HYCC2: variants seen among roughly 807,000 people sequenced by gnomAD.
The protein encoded by HYCC2 is hyccin 2.
chr2:201,050,957 A>C, the HYCC2 span, among the ~76,000 whole-genome samples: 3 of 152,154 alleles, frequency 2.0e-5, no homozygotes, highest in South Asian at 2.1e-4. Context: ...ACAAACAAAC[A>C]AACCCAGTAT....
At chr2:201,047,588 A>T in the HYCC2 span, among the ~76,000 whole-genome samples, 1 of 151,726 alleles carries the variant, frequency 6.6e-6, no homozygotes, top group South Asian at 2.1e-4. Context: ...GAAATTCAGA[A>T]CGCTCTGCCA....
chr2:201,033,067 G>GA, the HYCC2 span, among the ~76,000 whole-genome samples: 16 of 149,842 alleles, frequency 1.1e-4, no homozygotes, highest in African/African-American at 3.0e-4. Context: ...AAAAGGGCAA[G>GA]AAAAAACTAC....
the HYCC2 span, among the ~76,000 whole-genome samples, chr2:201,065,226 A>G: frequency 6.6e-6 from 1 of 152,180 alleles, no homozygotes; most frequent in Non-Finnish European, 1.5e-5. Context: ...GGAATATGCA[A>G]TTTTGAGATT....
chr2:201,025,962 C>G, the HYCC2 span, among the ~76,000 whole-genome samples: 21 of 152,066 alleles, frequency 1.4e-4, no homozygotes, highest in Non-Finnish European at 2.8e-4. Flanking sequence ...TCACACATAA[C>G]AATATTAACC....
chr2:201,012,239 C>A, the HYCC2 span, among the ~76,000 whole-genome samples: 1 of 152,076 alleles, frequency 6.6e-6, no homozygotes, highest in Non-Finnish European at 1.5e-5. Flanking sequence ...GCAGTCGGAT[C>A]GCTTCAGCTC....
At chr2:201,027,546 A>T in the HYCC2 span, among the ~76,000 whole-genome samples, 1 of 152,200 alleles carries the variant, frequency 6.6e-6, no homozygotes, top group Non-Finnish European at 1.5e-5. Context: ...CCTGATGAAC[A>T]TCGATGCAAA....
chr2:201,013,413 A>G, the HYCC2 span, among the ~76,000 whole-genome samples: 3 of 151,728 alleles, frequency 2.0e-5, no homozygotes, highest in Admixed American at 1.3e-4. Flanking sequence ...AACGTTGCAG[A>G]GAGCTAAGAC....
At chr2:200,994,362 C>T in the HYCC2 span, among the ~76,000 whole-genome samples, 1 of 152,048 alleles carries the variant, frequency 6.6e-6, no homozygotes, top group African/African-American at 2.4e-5. Context: ...CTCAGCCTCC[C>T]GAGTAGCCTC....
At chr2:200,981,905 C>A in the HYCC2 span, 1 of 1,553,972 alleles carries the variant, frequency 6.4e-7, no homozygotes, top group South Asian at 1.2e-5. The surrounding 1 kb of genome is among the most constrained non-coding windows in gnomAD (Gnocchi z 4.5). Context: ...TCAGCAATAG[C>A]TAAATTAAAT....
the HYCC2 span, among the ~76,000 whole-genome samples, chr2:201,021,015 G>A: frequency 1.3e-5 from 2 of 151,872 alleles, no homozygotes; most frequent in Admixed American, 6.6e-5. Flanking sequence ...GATCCACTCC[G>A]CTCCGCCTCC....
chr2:200,992,343 G>C, the HYCC2 span: 2 of 1,611,290 alleles, frequency 1.2e-6, no homozygotes, highest in Non-Finnish European at 1.7e-6. Flanking sequence ...AGAACTTCCT[G>C]GCCAAGGTCC....
the HYCC2 span, among the ~76,000 whole-genome samples, chr2:201,016,144 A>G: frequency 1.3e-5 from 2 of 152,238 alleles, no homozygotes; most frequent in Admixed American, 6.5e-5. Flanking sequence ...AACAATTTGA[A>G]GATATAAATA....
chr2:200,982,719 C>T, the HYCC2 span, among the ~76,000 whole-genome samples: 1 of 152,132 alleles, frequency 6.6e-6, no homozygotes, highest in African/African-American at 2.4e-5. Flanking sequence ...TGTCCCATCA[C>T]ATTTCATTTC....
chr2:201,064,617 TATTGGTTATAAAAGTG>T, the HYCC2 span, among the ~76,000 whole-genome samples: 1 of 152,166 alleles, frequency 6.6e-6, no homozygotes, highest in South Asian at 2.1e-4. Flanking sequence ...ATCATGGAAT[TATTGGTTATAAAAGTG>T]ATTGTTGGCA....
chr2:200,981,203 G>A, the HYCC2 span: 4 of 1,533,092 alleles, frequency 2.6e-6, no homozygotes, highest in Middle Eastern at 1.8e-4. This position sits in a 1 kb window ranked among gnomAD's most constrained non-coding sequence, Gnocchi z 4.5. Context: ...GTGGGATGAA[G>A]TGTCTTCTTG....
chr2:201,011,977 C>T, the HYCC2 span, among the ~76,000 whole-genome samples: 1 of 152,144 alleles, frequency 6.6e-6, no homozygotes, highest in Non-Finnish European at 1.5e-5. Context: ...ATATTTATGG[C>T]ATAAAACACA....
chr2:200,991,546 G>A, the HYCC2 span, among the ~76,000 whole-genome samples: 1 of 150,430 alleles, frequency 6.6e-6, no homozygotes, highest in East Asian at 2.0e-4. Context: ...TCCAGCATAG[G>A]AGACAGAGCA....
chr2:200,992,742 T>G, the HYCC2 span: 2 of 618,024 alleles, frequency 3.2e-6, no homozygotes, highest in South Asian at 4.5e-5. Flanking sequence ...TTAAAAGTAC[T>G]AAAAGGAAAC....
chr2:201,055,704 T>C, the HYCC2 span, among the ~76,000 whole-genome samples: 13 of 151,630 alleles, frequency 8.6e-5, no homozygotes, highest in Non-Finnish European at 1.5e-4. Flanking sequence ...TCTCTAAAAA[T>C]AAAAACATAA....
Sources: gnomAD v4.1 joint callset for allele counts (sites outside exome capture counted in the v4.1 genomes callset) on GRCh38, gnomAD v4.1.1 for gene constraint, Gnocchi (gnomAD v3.1) non-coding constraint, MANE v1.5 for transcripts, NCBI Gene and HGNC (gene_info 2026-07-23, HGNC 2026-07-21) for gene names.